BRD4: variants seen among roughly 807,000 people sequenced by gnomAD.
BRD4 encodes the protein bromodomain containing 4.
In BRD4, 16 loss-of-function variants were observed where a neutral mutation model predicts 142.1. The observed-to-expected ratio is 0.11, with a 90% confidence interval of 0.08 to 0.17. The LOEUF (loss-of-function observed/expected upper bound fraction) is 0.17. Among genes scored for constraint, BRD4 ranks in the 10% least tolerant of loss-of-function variants. The probability of loss-of-function intolerance (pLI) is 1.00; values close to 1 mark genes in which losing one functional copy is unlikely to be tolerated. For synonymous variants in BRD4, 833 were observed against 707.5 expected (o/e 1.18, Z -2.82); for missense variants, 1,424 against 1,810.9 (o/e 0.79, Z 3.88).
chr19:15,292,763 T>C (rs1331912857), intron 1 of BRD4, among the ~76,000 whole-genome samples: 6 of 85,200 alleles, frequency 7.0e-5, no homozygotes, highest in African/African-American at 2.6e-4. Context: ...AGGTGACAGA[T>C]CAAGACTCCG....
chr19:15,285,628 G>C (rs1331341100), intron 1 of BRD4, among the ~76,000 whole-genome samples: 1 of 152,156 alleles, frequency 6.6e-6, no homozygotes, highest in African/African-American at 2.4e-5. Flanking sequence ...TAAAGCCTTA[G>C]ACTAGGGTCT....
rs561742997 is a variant in BRD4 at position 15,274,104 on chromosome 19, T to C, written c.-34-971A>G. On this transcript the variant is annotated intron_variant, in intron 1 of 19. Transcript: ENST00000679869. ...CTGTGGAGATAGGAGGCCAGTGAGATAGGAGAAGACACAGGGACAAATGAC... is the reference window on the plus strand; with the variant it reads ...CTGTGGAGATAGGAGGCCAGTGAGACAGGAGAAGACACAGGGACAAATGAC... 5.5e-4 allele frequency among the ~76,000 whole-genome samples: 84 copies of C among 152,308 alleles called. 1 individual carries two copies. In the South Asian group the frequency reaches 0.013, roughly 24 times the overall value.
intron 1 of BRD4, among the ~76,000 whole-genome samples, chr19:15,284,991 C>T (rs555026272): frequency 1.3e-5 from 2 of 152,314 alleles, no homozygotes; most frequent in African/African-American, 4.8e-5. Flanking sequence ...ACAGAGCATG[C>T]CTCATCTCCT....
chr19:15,247,022 C>T (rs192234912), intron 11 of BRD4: 5 of 185,472 alleles, frequency 2.7e-5, no homozygotes, highest in Admixed American at 1.2e-4. Flanking sequence ...CCACACAAAA[C>T]TCTCTAGAAA....
intron 1 of BRD4, among the ~76,000 whole-genome samples, chr19:15,320,576 C>A (rs1177152080): frequency 6.6e-6 from 1 of 152,140 alleles, no homozygotes; most frequent in Non-Finnish European, 1.5e-5. Context: ...TTTATATCTA[C>A]CTGGTCTCTT....
chr19:15,265,596 A>T lies in BRD4; in HGVS notation c.607T>A (p.Ser203Thr). 6.2e-7 allele frequency: 1 copy of T among 1,614,068 alleles called. No individual in the cohort carries two copies. The highest frequency in any genetic ancestry group is 8.5e-7 in the Non-Finnish European group (1 of 1,180,022). ...GGGGTCTGGGTCTGCGGAGGAGTCG[A>T]TGCTTGAGTTGTGTTTGGTACCGTG... ...VSTVPNTTQA[S>T]TPPQTQTPQP... Residue 203 changes from serine to threonine, a missense_variant, in exon 5 of 20, where the codon TCG becomes ACG. Ser to Thr is a moderately conservative substitution (Grantham distance 58, BLOSUM62 1). Coordinates refer to ENST00000679869, the MANE Select transcript of BRD4 (RefSeq NM_001379291.1).
At chr19:15,247,740 C>A (rs1599439209) in intron 11 of BRD4, 1 of 233,094 alleles carries the variant, frequency 4.3e-6, no homozygotes, top group East Asian at 6.0e-5. Context: ...GCAGGCGGGA[C>A]TGCAACAGGA....
At chr19:15,307,713 G>A (rs1431610621) in intron 1 of BRD4, among the ~76,000 whole-genome samples, 2 of 152,126 alleles carry the variant, frequency 1.3e-5, no homozygotes, top group African/African-American at 4.8e-5. Flanking sequence ...GAGCCCAGGA[G>A]TTCTGGGCTA....
At chr19:15,263,130 T>A (rs1432515247) in intron 7 of BRD4, among the ~76,000 whole-genome samples, 1 of 152,124 alleles carries the variant, frequency 6.6e-6, no homozygotes, top group Non-Finnish European at 1.5e-5. Context: ...GAGACAGGTG[T>A]GTTTTGTAGA....
At chr19:15,240,824 C>T (rs886129758) in intron 14 of BRD4, among the ~76,000 whole-genome samples, 5 of 152,174 alleles carry the variant, frequency 3.3e-5, no homozygotes, top group Admixed American at 1.3e-4. Flanking sequence ...GGGGCCTCAC[C>T]GCTCTTTGGC....
intron 11 of BRD4, chr19:15,248,970 T>C (rs986164992): frequency 2.0e-5 from 10 of 497,728 alleles, no homozygotes; most frequent in Non-Finnish European, 2.9e-5. Flanking sequence ...GGGATTGTCA[T>C]CACCCTCCAG....
chr19:15,326,648 T>C (rs576385374), intron 1 of BRD4, among the ~76,000 whole-genome samples: 2 of 152,322 alleles, frequency 1.3e-5, no homozygotes, highest in African/African-American at 4.8e-5. Flanking sequence ...AAAATGACCA[T>C]GCACTACTTT....
intron 1 of BRD4, among the ~76,000 whole-genome samples, chr19:15,279,013 G>A (rs970216026): frequency 6.6e-6 from 1 of 152,098 alleles, no homozygotes; most frequent in Admixed American, 6.6e-5. Context: ...GGCTAATTTT[G>A]TATTTTTAGT....
chr19:15,314,901 T>C (rs1245135847), intron 1 of BRD4, among the ~76,000 whole-genome samples: 1 of 151,878 alleles, frequency 6.6e-6, no homozygotes, highest in Non-Finnish European at 1.5e-5. Context: ...ATGGAGGAAA[T>C]GGAGTTTGGG....
At chr19:15,272,727 A>C in intron 2 of BRD4, 88 bp downstream of exon 2, 1 of 1,296,664 alleles carries the variant, frequency 7.7e-7, no homozygotes, top group Non-Finnish European at 1.1e-6. Flanking sequence ...TGCATCTCCT[A>C]CCCTCCCCCC....
intron 1 of BRD4, among the ~76,000 whole-genome samples, chr19:15,282,081 G>C (rs1413512958): frequency 1.3e-5 from 2 of 152,194 alleles, no homozygotes; most frequent in African/African-American, 2.4e-5. Context: ...AGCAGGGGCA[G>C]GCTAGGCTAA....
intron 11 of BRD4, chr19:15,253,801 A>G (rs1333799413): frequency 6.3e-7 from 1 of 1,586,914 alleles, no homozygotes; most frequent in Non-Finnish European, 8.5e-7. Context: ...TGGTCACATC[A>G]AGGTCAACAG....
At chr19:15,299,984 C>A (rs1038245949) in intron 1 of BRD4, among the ~76,000 whole-genome samples, 2 of 152,228 alleles carry the variant, frequency 1.3e-5, no homozygotes, top group African/African-American at 2.4e-5. Flanking sequence ...GTGATTCATG[C>A]CTGCAATCCC....
At chr19:15,242,204 G>GGCA (rs957288238) in intron 14 of BRD4, among the ~76,000 whole-genome samples, 2 of 151,864 alleles carry the variant, frequency 1.3e-5, no homozygotes, top group Non-Finnish European at 2.9e-5. Flanking sequence ...ACCCAAGACA[G>GGCA]GCAGCACCAT....
Sources: gnomAD v4.1 joint callset for allele counts (sites outside exome capture counted in the v4.1 genomes callset) on GRCh38, gnomAD v4.1.1 for gene constraint, MANE v1.5 for transcripts, NCBI Gene and HGNC (gene_info 2026-07-23, HGNC 2026-07-21) for gene names.